CYP4F12: variants seen among roughly 807,000 people sequenced by gnomAD.
The protein encoded by CYP4F12 is cytochrome P450 family 4 subfamily F member 12.
In CYP4F12, 60 loss-of-function variants were observed where a neutral mutation model predicts 56.5. The observed-to-expected ratio is 1.06, with a 90% CI of 0.86 to 1.32. The LOEUF (loss-of-function observed/expected upper bound fraction) is 1.32, where lower values mean the gene tolerates loss of function less well. Among genes scored for constraint, CYP4F12 ranks in the 40% most tolerant of loss-of-function variants. The probability of loss-of-function intolerance (pLI) is 0.00; values close to 1 mark genes in which losing one functional copy is unlikely to be tolerated. For missense variants in CYP4F12, 711 were observed against 683.5 expected (o/e 1.04, Z -0.45); for synonymous variants, 263 against 264.9 (o/e 0.99, Z 0.07).
Position 15,680,237 on chromosome 19 carries a change from A to AT in CYP4F12, c.344-6dup, listed in dbSNP as rs775210562. The stretch of plus-strand genomic sequence containing the variant: ...ACATGGCCCCTGATGGTCCTCGTTC[A>AT]TGTCAGCTGCCATTGCACCCAAGGA... On this transcript the variant is annotated splice_polypyrimidine_tract_variant and splice_region_variant and intron_variant, in intron 3 of 12. Coordinates refer to ENST00000550308, the MANE Select transcript of CYP4F12 (RefSeq NM_023944.4). The AT allele has an allele frequency of 1.9e-6, 3 of 1,595,498 alleles. No individual in the cohort carries two copies. Among genetic ancestry groups the AT allele is most frequent in the Admixed American group, 3.4e-5 (2 of 58,490 alleles).
At chr19:15,680,166 TGGTA>T in intron 3 of CYP4F12, 74 bp from the exon 4 acceptor site, 2 of 1,522,394 alleles carry the variant, frequency 1.3e-6, no homozygotes, top group South Asian at 2.6e-5. Context: ...GGGAAAGTGC[TGGTA>T]GGCAGCCTTG....
At chr19:15,674,860 G>T (rs1417732800) in intron 2 of CYP4F12, among the ~76,000 whole-genome samples, 1 of 152,170 alleles carries the variant, frequency 6.6e-6, no homozygotes, top group Non-Finnish European at 1.5e-5. Flanking sequence ...GCTCCTGTAT[G>T]GTTGTGGGGT....
intron 2 of CYP4F12, among the ~76,000 whole-genome samples, chr19:15,676,292 C>A (rs2006914845): frequency 6.6e-6 from 1 of 151,734 alleles, no homozygotes; most frequent in Admixed American, 6.6e-5. Context: ...CATTCCTCTC[C>A]TCACTTACTC....
chr19:15,694,603 G>A (rs2008034177), intron 9 of CYP4F12, among the ~76,000 whole-genome samples: 1 of 152,166 alleles, frequency 6.6e-6, no homozygotes, highest in African/African-American at 2.4e-5. Flanking sequence ...AGACAATGGG[G>A]TTTTCTAGAT....
At chr19:15,681,215 CAAAG>C (rs72204149) in intron 5 of CYP4F12, 3,647 of 153,338 alleles carry the variant, frequency 0.024, 17 homozygotes, top group African/African-American at 0.084. Context: ...TTGTACTGGC[CAAAG>C]AAAGTCGAAA....
At position 15,684,818 on chromosome 19, in the gene CYP4F12, T is replaced by G; in HGVS notation, c.921T>G (p.Asp307Glu). 2 of 1,603,786 alleles carry G rather than the reference T, an allele frequency of 1.2e-6. No individual in the cohort carries two copies. The highest frequency in any genetic ancestry group is 2.2e-5 in the East Asian group (1 of 44,746). ...DFIDVLLLSK[D>E]EDGKALSDED... ...TGTGTGTCTTGCTTTCTCTTCAGGA[T>G]GAAGATGGGAAGGCATTGTCAGATG... Residue 307 changes from aspartate to glutamate, a missense_variant and splice_region_variant, in exon 8 of 13, where the codon GAT becomes GAG. Physicochemically the swap from Asp to Glu is conservative, Grantham distance 45. Transcript: ENST00000550308.
At position 15,683,513 on chromosome 19, in the gene CYP4F12, C is replaced by T. The variant is rs2007424303; in HGVS notation, c.668C>T (p.Ala223Val). The T allele has an allele frequency of 6.2e-7, 1 of 1,605,532 alleles. No individual in the cohort carries two copies. The highest frequency in any genetic ancestry group is 8.5e-7 in the Non-Finnish European group (1 of 1,176,332). ...TGCAGGAGGCCCAGTGAATATATTG[C>T]CACCATCTTGGAGCTCAGTGCCCTT... is the stretch of plus-strand genomic sequence containing the variant. ...HCQERPSEYI[A>V]TILELSALVE... The change falls in exon 7 of 13, where the codon GCC (alanine) becomes GTC (valine). Residue 223 changes from alanine to valine, a missense_variant. By Grantham distance (64) the Ala-to-Val change is moderately conservative (BLOSUM62 0). Transcript: ENST00000550308.
chr19:15,683,116 G>A (rs1474788973), intron 6 of CYP4F12, among the ~76,000 whole-genome samples: 2 of 152,100 alleles, frequency 1.3e-5, no homozygotes, highest in African/African-American at 2.4e-5. Context: ...GAGAAAGAGA[G>A]AGAGAGTTGG....
chr19:15,676,531 G>C (rs1279140379), intron 2 of CYP4F12, among the ~76,000 whole-genome samples: 12 of 18,434 alleles, frequency 6.5e-4, no homozygotes, highest in Non-Finnish European at 9.1e-4. Flanking sequence ...TCATTCCTCT[G>C]CCCACTCACT....
intron 9 of CYP4F12, 85 bp from the exon 10 acceptor site, chr19:15,695,851 G>A: frequency 1.3e-6 from 2 of 1,518,556 alleles, no homozygotes; most frequent in Non-Finnish European, 1.8e-6. Context: ...GTGATAGGGA[G>A]AAAAGGTCTC....
At chr19:15,687,036 G>T (rs68043415) in intron 9 of CYP4F12, among the ~76,000 whole-genome samples, 1 of 151,958 alleles carries the variant, frequency 6.6e-6, no homozygotes, top group Non-Finnish European at 1.5e-5. Context: ...CCAGCACTTT[G>T]GAAGGCCGAG....
intron 9 of CYP4F12, among the ~76,000 whole-genome samples, chr19:15,693,417 G>T (rs1324516934): frequency 6.6e-6 from 1 of 152,130 alleles, no homozygotes; most frequent in African/African-American, 2.4e-5. Context: ...ATCACTATCT[G>T]CCAAAATGAT....
chr19:15,678,437 C>G (rs1444953681), intron 3 of CYP4F12, 32 bp downstream of exon 3: 1 of 1,613,414 alleles, frequency 6.2e-7, no homozygotes, highest in African/African-American at 1.3e-5. Context: ...TGGTGGGTGC[C>G]AGACCAAGCT....
At chr19:15,686,090 C>T (rs1336526884) in intron 9 of CYP4F12, among the ~76,000 whole-genome samples, 1 of 152,160 alleles carries the variant, frequency 6.6e-6, no homozygotes, top group Non-Finnish European at 1.5e-5. Flanking sequence ...CAAGACATTC[C>T]CAGTCCACAT....
At position 15,673,585 on chromosome 19, in the gene CYP4F12, G is replaced by T. The variant is rs1450394639; in HGVS notation, c.56G>T (p.Trp19Leu). The change falls in exon 2 of 13, where the codon TGG becomes TTG. Residue 19 changes from tryptophan to leucine, a missense_variant. Transcript: ENST00000550308. ...LGLRPVATSP[W>L]LLLLLVVGSW... ...CTCAGACCGGTGGCAACGTCCCCAT[G>T]GCTACTCCTGCTGCTGGTTGTGGGC... 2.5e-6 allele frequency: 4 copies of T among 1,613,930 alleles called. No individual in the cohort carries two copies. The African/African-American group carries it at 4.0e-5, about 16-fold the overall frequency.
chr19:15,684,470 C>T (rs1224295013), intron 7 of CYP4F12: 2 of 249,320 alleles, frequency 8.0e-6, no homozygotes, highest in Non-Finnish European at 1.5e-5. Flanking sequence ...TAATTTCTAA[C>T]CTCCAAGGCA....
At position 15,673,626 on chromosome 19, in the gene CYP4F12, C is replaced by T. The variant is rs201778442; in HGVS notation, c.97C>T (p.Arg33Cys). 1,584 of 1,614,196 alleles carry T rather than the reference C, an allele frequency of 9.8e-4. 3 individuals are homozygous for T. The highest frequency in any genetic ancestry group is 1.8e-3 in the Middle Eastern group (11 of 6,060). Residue 33 changes from arginine to cysteine, a missense_variant, in exon 2 of 13, where the codon CGC (arginine) becomes TGC (cysteine). By Grantham distance (180) the Arg-to-Cys change is radical. Transcript: ENST00000550308. ...LLVVGSWLLA[R>C]ILAWTYAFYN... is the part of the protein sequence containing the mutation. The stretch of plus-strand genomic sequence containing the variant: ...GGTTGTGGGCTCCTGGCTACTCGCC[C>T]GCATCCTGGCTTGGACCTATGCCTT...
intron 3 of CYP4F12, 52 bp downstream of exon 3, chr19:15,678,457 T>C (rs1465532671): frequency 6.2e-7 from 1 of 1,610,082 alleles, no homozygotes; most frequent in African/African-American, 1.3e-5. Flanking sequence ...TTCTGTGTGG[T>C]CTCTGCAGTA....
chr19:15,695,987 G>A lies in CYP4F12; in HGVS notation c.1167G>A (p.Leu389=), dbSNP rs1012062001. 1.9e-6 allele frequency: 3 copies of A among 1,614,038 alleles called. No individual in the cohort carries two copies. Among genetic ancestry groups the A allele is most frequent in the Non-Finnish European group, 2.5e-6 (3 of 1,179,968 alleles). ...PFLTMCVKES[L]RLHPPAPFIS... Reference sequence around the variant, plus strand: ...TGACCATGTGCGTGAAGGAGAGCCTGAGGTTACATCCCCCAGCTCCCTTCA... The same window carrying A: ...TGACCATGTGCGTGAAGGAGAGCCTAAGGTTACATCCCCCAGCTCCCTTCA... Residue 389 remains leucine (L), a synonymous_variant, in exon 10 of 13, where the codon CTG becomes CTA. Transcript: ENST00000550308.
Sources: gnomAD v4.1 joint callset for allele counts (sites outside exome capture counted in the v4.1 genomes callset) on GRCh38, gnomAD v4.1.1 for gene constraint, MANE v1.5 for transcripts, NCBI Gene and HGNC (gene_info 2026-07-23, HGNC 2026-07-21) for gene names.